Variants in MROH2B observed in about 807,000 individuals in gnomAD.
The protein encoded by MROH2B is maestro heat-like repeat-containing protein family member 2B.
Under a neutral mutation model 208.6 loss-of-function variants are expected in MROH2B, and 177 were observed. That is an observed-to-expected ratio of 0.85 (90% CI 0.75 to 0.96). The LOEUF is 0.96. MROH2B is among the 40% of genes least tolerant of loss of function. The pLI is 0.00. For missense variants in MROH2B, 2,002 were observed against 1,878.7 expected (o/e 1.07, Z -1.21); for synonymous variants, 728 against 659.0 (o/e 1.10, Z -1.60).
At chr5:41,068,737 G>A (rs1383194255) in intron 2 of MROH2B, among the ~76,000 whole-genome samples, 1 of 152,126 alleles carries the variant, frequency 6.6e-6, no homozygotes. Flanking sequence ...GATTCCCAAT[G>A]TTTGAGAAAT....
chr5:41,069,798 C>T (rs1743928200), intron 1 of MROH2B, 46 bp from the exon 2 acceptor site: 2 of 1,355,154 alleles, frequency 1.5e-6, no homozygotes, highest in African/African-American at 1.4e-5. Context: ...GCTGAAATGC[C>T]CTCCTGTTAA....
intron 12 of MROH2B, 97 bp downstream of exon 12, chr5:41,052,368 G>T: frequency 8.4e-7 from 1 of 1,194,486 alleles, no homozygotes; most frequent in South Asian, 2.8e-5. Context: ...CTACTCCTGT[G>T]ACAGATTAAG....
In MROH2B at chr5:40,998,609, C is replaced by T; in HGVS notation, c.4651+3G>A. ...GCTGGGAAGAAACTAGGTTGGTACT[C>T]ACGTGTGGTCAGTTGTTCTCTGTCT... On this transcript the variant is annotated splice_donor_region_variant and intron_variant, in intron 41 of 41. Coordinates refer to ENST00000399564, the MANE Select transcript of MROH2B (RefSeq NM_173489.5). The T allele has an allele frequency of 6.3e-7, 1 of 1,592,608 alleles. No homozygotes were observed. Among genetic ancestry groups the T allele is most frequent in the South Asian group, 1.1e-5 (1 of 87,450 alleles).
chr5:41,027,974 T>G (rs564176345), intron 24 of MROH2B, among the ~76,000 whole-genome samples: 1 of 145,138 alleles, frequency 6.9e-6, no homozygotes, highest in East Asian at 2.0e-4. Flanking sequence ...CACTCACAGG[T>G]GGGAACTGAA....
chr5:41,009,209 C>T, intron 32 of MROH2B, 71 bp downstream of exon 32: 4 of 1,578,412 alleles, frequency 2.5e-6, no homozygotes, highest in Non-Finnish European at 3.5e-6. Flanking sequence ...CAGCACCAAG[C>T]TCCAGGTGGG....
rs572868651 is a variant in MROH2B, at chr5:41,004,631, A to G, written c.4012-103T>C. ...AGGACTGAAATTTTGTCAGGGTCAC[A>G]TGTAGTTCAACCGAAGGACTACCAC... On this transcript the variant is annotated intron_variant, in intron 36 of 41. Coordinates refer to ENST00000399564, the MANE Select transcript of MROH2B (RefSeq NM_173489.5). 1.5e-5 allele frequency: 22 copies of G among 1,511,204 alleles called. No individual in the cohort carries two copies. In the East Asian group the frequency reaches 3.9e-4, roughly 27 times the overall value. 93.6% of individuals were successfully genotyped at this position (1,511,204 alleles called of 1,614,324 possible). A position where few individuals can be genotyped will look rare whatever the true frequency, so the allele number is the denominator to read the frequency against.
chr5:41,051,146 T>C, intron 12 of MROH2B, 56 bp from the exon 13 acceptor site: 1 of 1,154,190 alleles, frequency 8.7e-7, no homozygotes, highest in Non-Finnish European at 1.2e-6. Context: ...TGGTCCCCTC[T>C]GACTTTCCTT....
chr5:41,064,960 G>T (rs921253256), intron 4 of MROH2B, among the ~76,000 whole-genome samples: 1 of 152,232 alleles, frequency 6.6e-6, no homozygotes, highest in African/African-American at 2.4e-5. Context: ...GTAAACATAT[G>T]TAACAGGTGA....
At position 41,047,845 on chromosome 5, in the gene MROH2B, G is replaced by GA. The variant is rs1415088883; in HGVS notation, c.1685-82dup. The GA allele has an allele frequency of 2.7e-6, 3 of 1,124,752 alleles. No individual in the cohort carries two copies. In the African/African-American group the frequency reaches 4.7e-5, roughly 18 times the overall value. The allele number at this position is 1,124,752 out of a possible 1,614,324, so 69.7% of individuals were successfully genotyped here. On this transcript the variant is annotated intron_variant, in intron 16 of 41. Coordinates refer to ENST00000399564, the MANE Select transcript of MROH2B (RefSeq NM_173489.5). Reference sequence around the variant, plus strand: ...AAATTCTCCCCTCCAGGCCTCCAGTGATACTGGAGTTCTATTTTAAGCTTT... The same window carrying GA: ...AAATTCTCCCCTCCAGGCCTCCAGTGAATACTGGAGTTCTATTTTAAGCTTT...
chr5:41,004,623 A>T, intron 36 of MROH2B, 95 bp from the exon 37 acceptor site: 1 of 1,509,174 alleles, frequency 6.6e-7, no homozygotes, highest in Non-Finnish European at 8.9e-7. Context: ...AAATTTTGTC[A>T]GGGTCACATG....
chr5:41,019,352 G>GAGAA (rs1579917007), intron 24 of MROH2B, among the ~76,000 whole-genome samples: 1 of 151,648 alleles, frequency 6.6e-6, no homozygotes, highest in Non-Finnish European at 1.5e-5. Context: ...GTGAGAGAGA[G>GAGAA]TGAGAAAGAG....
At chr5:41,012,096 TA>T (rs1455783738) in intron 30 of MROH2B, among the ~76,000 whole-genome samples, 4 of 152,240 alleles carry the variant, frequency 2.6e-5, no homozygotes, top group Non-Finnish European at 5.9e-5. Context: ...TCACTCTGCT[TA>T]ACTCTCCAGT....
At chr5:41,033,763 G>C in intron 22 of MROH2B, 75 bp downstream of exon 22, 1 of 1,193,872 alleles carries the variant, frequency 8.4e-7, no homozygotes, top group Non-Finnish European at 1.2e-6. Context: ...TCTTTGCTTG[G>C]CACACTTCAG....
Position 41,016,498 on chromosome 5 carries a change from G to GTTTTTTTTTT in MROH2B, c.2885-1030_2885-1021dup, listed in dbSNP as rs10689623. Among the ~76,000 whole-genome samples the GTTTTTTTTTT allele has an allele frequency of 1.2e-4, 10 of 80,778 alleles. 1 individual carries two copies. Among genetic ancestry groups the GTTTTTTTTTT allele is most frequent in the Non-Finnish European group, 1.9e-4 (9 of 46,564 alleles). The allele number at this position is 80,778 out of a possible 152,430, so 53.0% of individuals were successfully genotyped here. ...GGCATATTTCTGTTACTACTGTAATGTTTTTTTTTTTTTTTTTTTTTTTTG... is the reference window on the plus strand; with the variant it reads ...GGCATATTTCTGTTACTACTGTAATGTTTTTTTTTTTTTTTTTTTTTTTTTTTTTTTTTTG... On this transcript the variant is annotated intron_variant, in intron 28 of 41. Coordinates refer to ENST00000399564, the MANE Select transcript of MROH2B (RefSeq NM_173489.5).
chr5:41,005,415 C>CG (rs1561273987), intron 35 of MROH2B, 116 bp downstream of exon 35: 16 of 165,144 alleles, frequency 9.7e-5, no homozygotes, highest in Non-Finnish European at 1.7e-4. Context: ...TCTATGAAAC[C>CG]CCCCCCCCCC....
chr5:41,049,342 G>C lies in MROH2B; in HGVS notation c.1439C>G (p.Ala480Gly). The C allele has an allele frequency of 6.2e-7, 1 of 1,613,708 alleles. No homozygotes were observed. Among genetic ancestry groups the C allele is most frequent in the African/African-American group, 1.3e-5 (1 of 75,022 alleles). Residue 480 changes from alanine (A) to glycine (G), a missense_variant, in exon 14 of 42, where the codon GCA becomes GGA. By Grantham distance (60) the Ala-to-Gly change is moderately conservative. Transcript: ENST00000399564. Reference sequence around the variant, plus strand: ...GGCACTGTGCTGCTTCTTCTCCTCTGCCATAATCAGAATTCTGATGATACT... The same window carrying C: ...GGCACTGTGCTGCTTCTTCTCCTCTCCCATAATCAGAATTCTGATGATACT... ...LFSIIRILIM[A>G]EEKKQHSAKE...
chr5:41,010,164 G>T, intron 30 of MROH2B, 85 bp from the exon 31 acceptor site: 1 of 1,236,406 alleles, frequency 8.1e-7, no homozygotes, highest in Non-Finnish European at 1.1e-6. Context: ...GTCGTGGATG[G>T]GCAGCTGATG....
chr5:41,047,719 A>C lies in MROH2B; in HGVS notation c.1728+2T>G. On this transcript the variant is annotated splice_donor_variant, in intron 17 of 41. Transcript: ENST00000399564. LOFTEE classifies it high-confidence loss of function. ...AAAAATTATTCTAGAAGCCAGCCTTACCTGAAGCAGCATGGTTTCCCATAG... is the reference window on the plus strand; with the variant it reads ...AAAAATTATTCTAGAAGCCAGCCTTCCCTGAAGCAGCATGGTTTCCCATAG... 6.3e-7 allele frequency: 1 copy of C among 1,594,104 alleles called. No individual in the cohort carries two copies. Among genetic ancestry groups the C allele is most frequent in the Non-Finnish European group, 8.6e-7 (1 of 1,169,336 alleles).
rs1742670356 is a variant in MROH2B, at chr5:41,033,974, A to C, written c.2215-110T>G. 8 of 1,430,042 alleles carry C rather than the reference A, an allele frequency of 5.6e-6. No individual in the cohort carries two copies. In the African/African-American group the frequency reaches 1.0e-4, roughly 18 times the overall value. The allele number at this position is 1,430,042 out of a possible 1,614,324, so 88.6% of individuals were successfully genotyped here. On this transcript the variant is annotated intron_variant, in intron 21 of 41. Coordinates refer to ENST00000399564, the MANE Select transcript of MROH2B (RefSeq NM_173489.5). ...ACCTGAAGGACAATAGTAAAGCAGG[A>C]GGTAGAGCCTTGCCAAGGGGGGTCT...
Sources: allele counts gnomAD v4.1 joint callset (sites outside exome capture counted in the v4.1 genomes callset), GRCh38; gene constraint gnomAD v4.1.1; transcripts MANE v1.5; gene names NCBI Gene and HGNC (gene_info 2026-07-23, HGNC 2026-07-21).